The following NCKAP5 variants were observed in gnomAD, a reference collection of about 807,000 sequenced individuals.
NCKAP5 encodes NCK associated protein 5, also known as nck-associated protein 5.
NCKAP5 carries 92 observed loss-of-function variants against 167.0 expected under a neutral mutation model. The ratio of observed to expected loss-of-function variants is 0.55; its 90% CI spans 0.47 to 0.66. The LOEUF (loss-of-function observed/expected upper bound fraction) is 0.66. Ranked by LOEUF, NCKAP5 falls within the 30% of genes least tolerant of loss-of-function variation. The probability of loss-of-function intolerance (pLI) is 0.00; values close to 1 mark genes in which losing one functional copy is unlikely to be tolerated. For synonymous variants in NCKAP5, 891 were observed against 877.4 expected, an observed-to-expected ratio of 1.02 and a Z score of -0.27; for missense variants, 2,378 against 2,315.0, an observed-to-expected ratio of 1.03 and a Z score of -0.56.
At chr2:133,167,527 G>A (rs890973552) in intron 5 of NCKAP5, among the ~76,000 whole-genome samples, 1 of 152,052 alleles carries the variant, frequency 6.6e-6, no homozygotes, top group African/African-American at 2.4e-5. Context: ...TTATCTTGTG[G>A]ATATTTTAGA....
chr2:133,643,108 G>A, the NCKAP5 span, among the ~76,000 whole-genome samples: 12 of 152,136 alleles, frequency 7.9e-5, no homozygotes, highest in East Asian at 7.7e-4. Context: ...TCTGTCTTTG[G>A]AAGCCTTTGT....
At chr2:133,536,172 T>G (rs190368913) in intron 2 of NCKAP5, among the ~76,000 whole-genome samples, 55 of 152,312 alleles carry the variant, frequency 3.6e-4, no homozygotes, top group Non-Finnish European at 4.9e-4. Context: ...TTTGTTTTGT[T>G]GCATTGGCTT....
chr2:133,258,293 G>A (rs1490198859), intron 4 of NCKAP5, among the ~76,000 whole-genome samples: 1 of 152,104 alleles, frequency 6.6e-6, no homozygotes, highest in East Asian at 1.9e-4. Context: ...ATCACTCCTT[G>A]CTCCTCACTC....
chr2:133,515,482 A>T, intron 3 of NCKAP5, among the ~76,000 whole-genome samples: 1 of 152,190 alleles, frequency 6.6e-6, no homozygotes, highest in East Asian at 1.9e-4. Flanking sequence ...AGCTCTCCTA[A>T]GCATGACACA....
chr2:133,620,317 G>C, the NCKAP5 span, among the ~76,000 whole-genome samples: 4 of 151,940 alleles, frequency 2.6e-5, no homozygotes, highest in African/African-American at 9.7e-5. Context: ...ATTCACCAAC[G>C]AAGTTTCTGA....
At chr2:133,509,135 G>A (rs989246537) in intron 3 of NCKAP5, among the ~76,000 whole-genome samples, 5 of 152,148 alleles carry the variant, frequency 3.3e-5, no homozygotes, top group Non-Finnish European at 5.9e-5. Context: ...CTAATGGCAC[G>A]TGAAGCTACC....
the NCKAP5 span, among the ~76,000 whole-genome samples, chr2:133,655,910 C>A: frequency 6.6e-6 from 1 of 152,138 alleles, no homozygotes. Context: ...GGGATGGTAC[C>A]ATAGCAGACA....
At chr2:133,162,321 A>G (rs1371092385) in intron 5 of NCKAP5, among the ~76,000 whole-genome samples, 2 of 152,248 alleles carry the variant, frequency 1.3e-5, no homozygotes, top group Non-Finnish European at 2.9e-5. Flanking sequence ...GCACTGTGCT[A>G]GAGATTAACG....
intron 6 of NCKAP5, among the ~76,000 whole-genome samples, chr2:133,080,357 G>A (rs76468342): frequency 0.07 from 10,669 of 152,136 alleles, 486 homozygotes; most frequent in African/African-American, 0.12. Flanking sequence ...AATTTACACT[G>A]CTCTCAGTTA....
chr2:133,382,438 G>T (rs376913979), intron 3 of NCKAP5, among the ~76,000 whole-genome samples: 9 of 152,168 alleles, frequency 5.9e-5, no homozygotes, highest in African/African-American at 2.2e-4. Flanking sequence ...CCTTCTCATT[G>T]GTTTTAACAT....
intron 4 of NCKAP5, among the ~76,000 whole-genome samples, chr2:133,237,345 T>C (rs2087470787): frequency 1.3e-5 from 2 of 152,146 alleles, no homozygotes; most frequent in African/African-American, 4.8e-5. Context: ...CCTAGACAAG[T>C]ATTTCTTTGT....
chr2:132,745,309 A>T (rs948778808), intron 16 of NCKAP5, among the ~76,000 whole-genome samples: 1 of 151,884 alleles, frequency 6.6e-6, no homozygotes, highest in African/African-American at 2.4e-5. Context: ...TTAAAAATAA[A>T]TCAATATTAA....
chr2:133,587,245 G>A, the NCKAP5 span, among the ~76,000 whole-genome samples: 5 of 152,160 alleles, frequency 3.3e-5, no homozygotes, highest in South Asian at 2.1e-4. Context: ...CACCAAGATC[G>A]TTCCTCAGTC....
At chr2:133,337,507 T>C (rs1016559698) in intron 3 of NCKAP5, among the ~76,000 whole-genome samples, 2 of 152,238 alleles carry the variant, frequency 1.3e-5, no homozygotes, top group Admixed American at 1.3e-4. Flanking sequence ...AATGGGCTTA[T>C]ATTTGGAGAT....
At chr2:133,231,968 A>G (rs2087171712) in intron 4 of NCKAP5, among the ~76,000 whole-genome samples, 1 of 152,218 alleles carries the variant, frequency 6.6e-6, no homozygotes, top group South Asian at 2.1e-4. Flanking sequence ...CTTCGCATGT[A>G]ACTAAATAGG....
intron 6 of NCKAP5, among the ~76,000 whole-genome samples, chr2:133,046,623 C>T (rs1312729275): frequency 6.6e-6 from 1 of 152,070 alleles, no homozygotes; most frequent in African/African-American, 2.4e-5. Context: ...ATGCAATTCT[C>T]TCACCTCGGC....
intron 11 of NCKAP5, among the ~76,000 whole-genome samples, chr2:132,832,277 A>C (rs1687578869): frequency 6.6e-6 from 1 of 152,168 alleles, no homozygotes; most frequent in East Asian, 1.9e-4. Flanking sequence ...ATTTGTTAAT[A>C]GGCATTTCAT....
intron 8 of NCKAP5, among the ~76,000 whole-genome samples, chr2:132,943,162 A>T (rs895424457): frequency 6.6e-6 from 1 of 152,184 alleles, no homozygotes; most frequent in African/African-American, 2.4e-5. Context: ...CTCTGGACAT[A>T]CCCAAATGGG....
intron 5 of NCKAP5, among the ~76,000 whole-genome samples, chr2:133,146,022 T>A (rs1209812213): frequency 6.6e-6 from 1 of 152,144 alleles, no homozygotes; most frequent in Admixed American, 6.6e-5. Flanking sequence ...TTATTGTTTC[T>A]GCAACCATAC....
Sources: gnomAD v4.1 joint callset for allele counts (sites outside exome capture counted in the v4.1 genomes callset) on GRCh38, gnomAD v4.1.1 for gene constraint, MANE v1.5 for transcripts, NCBI Gene and HGNC (gene_info 2026-07-23, HGNC 2026-07-21) for gene names.